The following ARHGAP15 variants were observed in gnomAD, a reference collection of about 807,000 sequenced individuals.
ARHGAP15 encodes Rho GTPase activating protein 15.
A neutral mutation model predicts 63.7 loss-of-function variants in ARHGAP15; 51 were observed. The ratio of observed to expected loss-of-function variants is 0.80; its 90% CI spans 0.64 to 1.01. The LOEUF (loss-of-function observed/expected upper bound fraction) is 1.01. Among genes scored for constraint, ARHGAP15 ranks in the 50% least tolerant of loss-of-function variants. ARHGAP15 has a pLI of 0.00. For missense variants in ARHGAP15, 560 were observed against 564.6 expected, an observed-to-expected ratio of 0.99 and a Z score of 0.08; for synonymous variants, 191 against 193.8, an observed-to-expected ratio of 0.99 and a Z score of 0.12.
chr2:143,630,488 T>C lies in ARHGAP15; in HGVS notation c.1138+6221T>C, dbSNP rs568072836. On this transcript the variant is annotated intron_variant, in intron 12 of 13. Coordinates refer to ENST00000295095, the MANE Select transcript of ARHGAP15 (RefSeq NM_018460.4). ...TATCACATCATATCCCCTGACCTAC[T>C]CGTGAGAGGAAACCTCATTTAGTGA... 1.6e-4 allele frequency among the ~76,000 whole-genome samples: 24 copies of C among 152,204 alleles called. No homozygotes were observed. The East Asian group carries it at 1.7e-3, about 11-fold the overall frequency.
At chr2:143,589,265 A>G (rs1697230615) in intron 11 of ARHGAP15, among the ~76,000 whole-genome samples, 1 of 152,190 alleles carries the variant, frequency 6.6e-6, no homozygotes, top group South Asian at 2.1e-4. Context: ...CAAGAGATCT[A>G]CTTCTTCTCC....
rs535190141 is a variant in ARHGAP15 at position 143,364,938 on chromosome 2, G to A, written c.475-70663G>A. Among the ~76,000 whole-genome samples the A allele has an allele frequency of 1.2e-4, 19 of 152,230 alleles. 1 individual carries two copies. In the South Asian group the frequency reaches 3.3e-3, roughly 27 times the overall value. On this transcript the variant is annotated intron_variant, in intron 6 of 13. Transcript: ENST00000295095. ...CGAGAATTGCTTGAAACCAGGAGGC[G>A]GAGGTTGCAGTGAGCAAAGACTGGG...
intron 10 of ARHGAP15, among the ~76,000 whole-genome samples, chr2:143,534,693 A>T (rs1694673059): frequency 6.6e-6 from 1 of 152,088 alleles, no homozygotes; most frequent in African/African-American, 2.4e-5. Flanking sequence ...AACCTGGGCA[A>T]CATGGCAAAA....
At chr2:143,153,744 T>G (rs1689930804) in intron 1 of ARHGAP15, among the ~76,000 whole-genome samples, 1 of 151,922 alleles carries the variant, frequency 6.6e-6, no homozygotes, top group Non-Finnish European at 1.5e-5. Flanking sequence ...TTGGCATTTT[T>G]GAGAATATTA....
At chr2:143,500,014 C>G (rs1448245460) in intron 9 of ARHGAP15, among the ~76,000 whole-genome samples, 2 of 151,834 alleles carry the variant, frequency 1.3e-5, no homozygotes, top group Non-Finnish European at 2.9e-5. Context: ...TTAATAGTAG[C>G]TTAAGGAAAA....
intron 6 of ARHGAP15, among the ~76,000 whole-genome samples, chr2:143,266,906 G>C (rs1387719198): frequency 1.3e-5 from 2 of 152,070 alleles, no homozygotes; most frequent in Non-Finnish European, 2.9e-5. Context: ...ACTATGCTTT[G>C]AGAACAAATT....
intron 6 of ARHGAP15, among the ~76,000 whole-genome samples, chr2:143,433,418 A>G (rs1689472670): frequency 6.6e-6 from 1 of 152,112 alleles, no homozygotes; most frequent in Admixed American, 6.6e-5. Flanking sequence ...CTCTGATAGT[A>G]TGTTTTGAAT....
At chr2:143,644,623 C>G (rs1680778659) in intron 12 of ARHGAP15, among the ~76,000 whole-genome samples, 1 of 152,020 alleles carries the variant, frequency 6.6e-6, no homozygotes, top group Admixed American at 6.6e-5. Context: ...TTCAAGATTA[C>G]CCAACTGAAT....
chr2:143,537,390 C>T (rs1574598183), intron 10 of ARHGAP15, among the ~76,000 whole-genome samples: 1 of 152,030 alleles, frequency 6.6e-6, no homozygotes, highest in African/African-American at 2.4e-5. Flanking sequence ...TAATTAGATC[C>T]CATTTGTCAA....
intron 12 of ARHGAP15, among the ~76,000 whole-genome samples, chr2:143,659,969 G>A (rs185388514): frequency 6.6e-6 from 1 of 152,108 alleles, no homozygotes; most frequent in Admixed American, 6.5e-5. Context: ...AGCCACCATG[G>A]GCCAACATCC....
At chr2:143,632,837 A>G (rs1052064352) in intron 12 of ARHGAP15, among the ~76,000 whole-genome samples, 2 of 152,146 alleles carry the variant, frequency 1.3e-5, no homozygotes, top group Non-Finnish European at 2.9e-5. Context: ...TCTTGACTTT[A>G]TCTTGCCCTT....
chr2:143,241,861 G>A (rs77734841), intron 5 of ARHGAP15, among the ~76,000 whole-genome samples: 1,741 of 152,284 alleles, frequency 0.011, 21 homozygotes, highest in Non-Finnish European at 0.018. Flanking sequence ...CAGAAGTGAT[G>A]GGCAGTGGTA....
chr2:143,694,733 T>A (rs1683767720), intron 12 of ARHGAP15, among the ~76,000 whole-genome samples: 1 of 152,254 alleles, frequency 6.6e-6, no homozygotes, highest in Non-Finnish European at 1.5e-5. Flanking sequence ...AGCGTCACTA[T>A]GTGACCATGT....
At chr2:143,613,249 T>A (rs1021304573) in intron 11 of ARHGAP15, among the ~76,000 whole-genome samples, 1 of 152,202 alleles carries the variant, frequency 6.6e-6, no homozygotes, top group African/African-American at 2.4e-5. Context: ...TTATTAATAA[T>A]ACATTGAAAG....
intron 8 of ARHGAP15, among the ~76,000 whole-genome samples, chr2:143,465,892 A>G (rs1242908028): frequency 6.6e-6 from 1 of 152,078 alleles, no homozygotes; most frequent in Admixed American, 6.6e-5. Flanking sequence ...CCTCTCTTCC[A>G]AAAAGACAAA....
At chr2:143,366,662 G>T (rs1686305179) in intron 6 of ARHGAP15, among the ~76,000 whole-genome samples, 1 of 151,936 alleles carries the variant, frequency 6.6e-6, no homozygotes, top group African/African-American at 2.4e-5. Flanking sequence ...ATATGTTTCA[G>T]TTTATTATTT....
chr2:143,135,638 AT>A (rs1304260629), intron 1 of ARHGAP15, among the ~76,000 whole-genome samples: 1 of 152,180 alleles, frequency 6.6e-6, no homozygotes, highest in African/African-American at 2.4e-5. Context: ...TCTTTATATT[AT>A]TCACTGTCTG....
chr2:143,201,024 C>T lies in ARHGAP15; in HGVS notation c.166-1110C>T, dbSNP rs1032465736. 2.6e-5 allele frequency among the ~76,000 whole-genome samples: 4 copies of T among 152,174 alleles called. No homozygotes were observed. In the East Asian group the frequency reaches 5.8e-4, roughly 22 times the overall value. On this transcript the variant is annotated intron_variant, in intron 2 of 13. Transcript: ENST00000295095. ...ACAGGAATAGCTTGTTTCTACCCCA[C>T]GATATATTTGAGTTCTCTTCTGGGA... is the stretch of plus-strand genomic sequence containing the variant.
intron 12 of ARHGAP15, among the ~76,000 whole-genome samples, chr2:143,689,787 T>A (rs2105390362): frequency 6.6e-6 from 1 of 152,340 alleles, no homozygotes; most frequent in East Asian, 1.9e-4. Flanking sequence ...CCACCCTTTC[T>A]TCCCTTTATG....
Sources: allele counts gnomAD v4.1 joint callset (sites outside exome capture counted in the v4.1 genomes callset), GRCh38; gene constraint gnomAD v4.1.1; transcripts MANE v1.5; gene names NCBI Gene and HGNC (gene_info 2026-07-23, HGNC 2026-07-21).